The following ATG10 variants were observed in gnomAD, a reference collection of about 807,000 sequenced individuals.
ATG10 encodes ubiquitin-like-conjugating enzyme ATG10.
A neutral mutation model predicts 32.1 loss-of-function variants in ATG10; 30 were observed. That is an observed-to-expected ratio of 0.94 (90% CI 0.70 to 1.27). The LOEUF is 1.27. Among genes scored for constraint, ATG10 ranks in the 50% most tolerant of loss-of-function variants. ATG10 has a pLI of 0.00. For missense variants in ATG10, 233 were observed against 262.3 expected, an observed-to-expected ratio of 0.89 and a Z score of 0.77; for synonymous variants, 87 against 91.5, an observed-to-expected ratio of 0.95 and a Z score of 0.28.
chr5:82,122,760 G>C (rs759375250), intron 3 of ATG10, among the ~76,000 whole-genome samples: 5 of 152,168 alleles, frequency 3.3e-5, no homozygotes, highest in Non-Finnish European at 5.9e-5. Context: ...ATGAAAAAAT[G>C]CTCAATGTCT....
At chr5:81,979,411 C>A (rs981764335) in intron 1 of ATG10, among the ~76,000 whole-genome samples, 10 of 152,048 alleles carry the variant, frequency 6.6e-5, no homozygotes, top group Admixed American at 3.3e-4. Context: ...CCCTGTAGTC[C>A]TAGCTACTCG....
chr5:82,220,762 CTT>C (rs536010497), intron 5 of ATG10, among the ~76,000 whole-genome samples: 8 of 141,858 alleles, frequency 5.6e-5, no homozygotes, highest in Admixed American at 7.0e-5. Flanking sequence ...CTTTCTCTCT[CTT>C]TTTTTTTTTT....
At chr5:82,225,472 T>C (rs1277180424) in intron 5 of ATG10, among the ~76,000 whole-genome samples, 1 of 152,222 alleles carries the variant, frequency 6.6e-6, no homozygotes, top group African/African-American at 2.4e-5. Context: ...GGAAAGGAGA[T>C]GCTCTCTGGA....
At position 82,106,332 on chromosome 5, in the gene ATG10, A is replaced by G. The variant is rs550237164; in HGVS notation, c.216+47730A>G. Among the ~76,000 whole-genome samples, 16 of 152,246 alleles carry G rather than the reference A, an allele frequency of 1.1e-4. No individual in the cohort carries two copies. In the South Asian group the frequency reaches 3.3e-3, roughly 32 times the overall value. ...AACTTAAAGTGGACCTTTCTAGTTC[A>G]CTTGTTTAGTCACGGGATCATAGCA... On this transcript the variant is annotated intron_variant, in intron 3 of 7. Coordinates refer to ENST00000282185, the MANE Select transcript of ATG10 (RefSeq NM_031482.5).
chr5:82,116,153 C>T (rs2149820166), intron 3 of ATG10, among the ~76,000 whole-genome samples: 1 of 152,086 alleles, frequency 6.6e-6, no homozygotes, highest in Admixed American at 6.6e-5. Context: ...GAATTTTTGT[C>T]CAGAAGGGGC....
intron 5 of ATG10, among the ~76,000 whole-genome samples, chr5:82,200,183 T>A (rs1158802617): frequency 6.6e-6 from 1 of 151,618 alleles, no homozygotes; most frequent in Non-Finnish European, 1.5e-5. Flanking sequence ...ATATGATAAT[T>A]TTTTTTTAAT....
At chr5:81,988,659 A>C (rs942590512) in intron 2 of ATG10, among the ~76,000 whole-genome samples, 5 of 150,190 alleles carry the variant, frequency 3.3e-5, no homozygotes, top group African/African-American at 1.2e-4. Flanking sequence ...GTCTTGAACT[A>C]CTGACCTCAA....
At chr5:82,199,509 T>G (rs899110792) in intron 5 of ATG10, among the ~76,000 whole-genome samples, 14 of 152,218 alleles carry the variant, frequency 9.2e-5, no homozygotes, top group Non-Finnish European at 1.5e-4. Flanking sequence ...CCCCTTGCTA[T>G]GTCTTGGGGT....
chr5:82,248,416 T>C (rs893554971), intron 5 of ATG10, among the ~76,000 whole-genome samples: 3 of 152,232 alleles, frequency 2.0e-5, no homozygotes, highest in African/African-American at 7.2e-5. Context: ...GCCAGATTGC[T>C]CTGGTAAAAC....
intron 3 of ATG10, among the ~76,000 whole-genome samples, chr5:82,154,039 C>T (rs1157167052): frequency 6.6e-6 from 1 of 151,830 alleles, no homozygotes; most frequent in Admixed American, 6.6e-5. Flanking sequence ...GCTGGGATTG[C>T]AGACATGAGC....
rs60254193 is a variant in ATG10, at chr5:82,218,052, TACAC to T, written c.454-34478_454-34475del. On this transcript the variant is annotated intron_variant, in intron 5 of 7. Transcript: ENST00000282185. ...TTATAACAGAACACTGTTCTCTCTT[TACAC>T]ACACACACACACACACACACACACA... Among the ~76,000 whole-genome samples the T allele has an allele frequency of 1.7e-3, 243 of 145,288 alleles. 3 individuals carry two copies. Among genetic ancestry groups the T allele is most frequent in the African/African-American group, 4.9e-3 (191 of 38,928 alleles).
At chr5:82,248,329 T>C (rs1747113942) in intron 5 of ATG10, among the ~76,000 whole-genome samples, 1 of 152,220 alleles carries the variant, frequency 6.6e-6, no homozygotes, top group African/African-American at 2.4e-5. Flanking sequence ...TTATTGACAG[T>C]GCTGCTGAGC....
chr5:81,997,960 C>T (rs940987538), intron 2 of ATG10, among the ~76,000 whole-genome samples: 2 of 152,178 alleles, frequency 1.3e-5, no homozygotes, highest in East Asian at 1.9e-4. Context: ...ACTTGGAAAA[C>T]GTATTTCAGG....
intron 5 of ATG10, among the ~76,000 whole-genome samples, chr5:82,237,735 C>T (rs192450702): frequency 1.3e-5 from 2 of 152,088 alleles, no homozygotes; most frequent in African/African-American, 4.8e-5. Context: ...GGATGTGTAC[C>T]TTTGAGTAGC....
rs533914820 is a variant in ATG10 at position 81,983,818 on chromosome 5, C to T, written c.-12-3741C>T. Reference sequence around the variant, plus strand: ...GCCAGGCAGAGACGCTCCTCACCTCCCAGACGGGGTCGTGGCCAGGCAGAG... The same window carrying T: ...GCCAGGCAGAGACGCTCCTCACCTCTCAGACGGGGTCGTGGCCAGGCAGAG... On this transcript the variant is annotated intron_variant, in intron 1 of 7. Transcript: ENST00000282185. Among the ~76,000 whole-genome samples the T allele has an allele frequency of 6.6e-5, 10 of 152,046 alleles. No homozygotes were observed. The East Asian group carries it at 2.0e-3, about 30-fold the overall frequency.
chr5:82,025,607 C>T (rs1349718434), intron 2 of ATG10, among the ~76,000 whole-genome samples: 3 of 152,108 alleles, frequency 2.0e-5, no homozygotes, highest in African/African-American at 7.2e-5. Context: ...GTTACTGTGC[C>T]ACAAATAGGC....
Position 82,058,665 on chromosome 5 carries a change from A to G in ATG10, c.216+63A>G, listed in dbSNP as rs985187967. The G allele has an allele frequency of 7.4e-6, 8 of 1,075,684 alleles. No individual in the cohort carries two copies. The Admixed American group carries it at 1.3e-4, about 17-fold the overall frequency. 66.6% of individuals were successfully genotyped at this position (1,075,684 alleles called of 1,614,324 possible). A position where few individuals can be genotyped will look rare whatever the true frequency, so the allele number is the denominator to read the frequency against. On this transcript the variant is annotated intron_variant, in intron 3 of 7. Transcript: ENST00000282185. Reference sequence around the variant, plus strand: ...GTAAAGTATACATTTAAAAATGTATACTTTAATGACTCCATCGCATTCCAT... The same window carrying G: ...GTAAAGTATACATTTAAAAATGTATGCTTTAATGACTCCATCGCATTCCAT...
intron 3 of ATG10, among the ~76,000 whole-genome samples, chr5:82,138,646 A>T (rs777017290): frequency 6.6e-6 from 1 of 152,188 alleles, no homozygotes; most frequent in African/African-American, 2.4e-5. Context: ...TGGGAGCAGC[A>T]GACTGGAGCT....
At chr5:82,063,758 C>T (rs1453793527) in intron 3 of ATG10, among the ~76,000 whole-genome samples, 1 of 152,120 alleles carries the variant, frequency 6.6e-6, no homozygotes, top group East Asian at 1.9e-4. Context: ...TCCCAAAGTG[C>T]TGGGATTACA....
Sources: allele counts gnomAD v4.1 joint callset (sites outside exome capture counted in the v4.1 genomes callset), GRCh38; gene constraint gnomAD v4.1.1; transcripts MANE v1.5; gene names NCBI Gene and HGNC (gene_info 2026-07-23, HGNC 2026-07-21).